Variants in CFAP61 observed in about 807,000 individuals in gnomAD.
The protein encoded by CFAP61 is cilia and flagella associated protein 61.
CFAP61 carries 107 observed loss-of-function variants against 135.6 expected under a neutral mutation model. That is an observed-to-expected ratio of 0.79 (90% CI 0.67 to 0.93). The LOEUF (loss-of-function observed/expected upper bound fraction) is 0.93. CFAP61 is among the 40% of genes least tolerant of loss of function. CFAP61 has a pLI of 0.00. For synonymous variants in CFAP61, 575 were observed against 578.5 expected (o/e 0.99, Z 0.09); for missense variants, 1,507 against 1,556.2 (o/e 0.97, Z 0.53).
At chr20:20,309,453 G>GT (rs2056685689) in intron 25 of CFAP61, among the ~76,000 whole-genome samples, 1 of 152,142 alleles carries the variant, frequency 6.6e-6, no homozygotes, top group Admixed American at 6.5e-5. Context: ...CTGGGTGCCA[G>GT]GCAGACCCTA....
intron 22 of CFAP61, among the ~76,000 whole-genome samples, chr20:20,280,289 G>T (rs2054102961): frequency 6.6e-6 from 1 of 152,162 alleles, no homozygotes; most frequent in Admixed American, 6.5e-5. Context: ...GGCAGGAATT[G>T]CTAGCAACCG....
At chr20:20,340,399 T>G (rs911873185) in intron 25 of CFAP61, among the ~76,000 whole-genome samples, 1 of 151,664 alleles carries the variant, frequency 6.6e-6, no homozygotes, top group African/African-American at 2.4e-5. Context: ...CAGAGGGCTT[T>G]TTAGGGCAGT....
Position 20,057,901 on chromosome 20 carries a change from G to A in CFAP61, c.143+1105G>A, listed in dbSNP as rs563499026. On this transcript the variant is annotated intron_variant, in intron 2 of 26. Transcript: ENST00000245957. The stretch of plus-strand genomic sequence containing the variant: ...CCTAGCTGTTTTTGTTTGTTTGTTT[G>A]TTTTTTAGTAGAGACTAGGTTTCAT... 1.1e-4 allele frequency among the ~76,000 whole-genome samples: 16 copies of A among 151,988 alleles called. 1 individual carries two copies. In the South Asian group the frequency reaches 3.3e-3, roughly 32 times the overall value.
intron 6 of CFAP61, among the ~76,000 whole-genome samples, chr20:20,086,141 C>T (rs1475138362): frequency 1.3e-5 from 2 of 149,596 alleles, no homozygotes; most frequent in Admixed American, 6.6e-5. Flanking sequence ...AGTGACTTTG[C>T]CAGTTTCTTT....
chr20:20,251,818 C>T, intron 20 of CFAP61, 55 bp downstream of exon 20: 1 of 1,561,728 alleles, frequency 6.4e-7, no homozygotes, highest in Non-Finnish European at 8.8e-7. Context: ...CCATGAAAGC[C>T]ATTCATATGT....
At chr20:20,066,370 A>G (rs1358717540) in intron 2 of CFAP61, among the ~76,000 whole-genome samples, 1 of 152,254 alleles carries the variant, frequency 6.6e-6, no homozygotes, top group African/African-American at 2.4e-5. Flanking sequence ...ATAAAGACAC[A>G]TGCACACGTA....
At chr20:20,247,701 C>G (rs1266530362) in intron 19 of CFAP61, among the ~76,000 whole-genome samples, 1 of 152,218 alleles carries the variant, frequency 6.6e-6, no homozygotes, top group Non-Finnish European at 1.5e-5. Flanking sequence ...TCTCCATCTA[C>G]TTAATTCTCC....
intron 7 of CFAP61, among the ~76,000 whole-genome samples, chr20:20,095,279 T>C (rs1355802940): frequency 6.6e-6 from 1 of 152,164 alleles, no homozygotes; most frequent in African/African-American, 2.4e-5. Flanking sequence ...AATCGGCAAA[T>C]GCTACAGATC....
intron 8 of CFAP61, among the ~76,000 whole-genome samples, chr20:20,125,313 T>C (rs1307936232): frequency 6.6e-6 from 1 of 151,792 alleles, no homozygotes. Flanking sequence ...GACCTTAGAA[T>C]GTCAGTTTGT....
chr20:20,078,606 A>G (rs897756852), intron 6 of CFAP61, among the ~76,000 whole-genome samples: 2 of 152,204 alleles, frequency 1.3e-5, no homozygotes, highest in African/African-American at 4.8e-5. Flanking sequence ...AGATCATGAA[A>G]TGAAGGAGAT....
intron 4 of CFAP61, 76 bp downstream of exon 4, chr20:20,074,454 A>C (rs1457344790): frequency 7.6e-7 from 1 of 1,308,610 alleles, no homozygotes; most frequent in East Asian, 2.3e-5. Flanking sequence ...TTTAAAAGAC[A>C]TGAAATTCTT....
intron 9 of CFAP61, among the ~76,000 whole-genome samples, chr20:20,144,668 A>G (rs1355382109): frequency 6.6e-6 from 1 of 152,132 alleles, no homozygotes; most frequent in Admixed American, 6.5e-5. Flanking sequence ...TGAAAACAAT[A>G]TACTCACAGA....
At chr20:20,337,089 G>A (rs2058222556) in intron 25 of CFAP61, among the ~76,000 whole-genome samples, 1 of 152,242 alleles carries the variant, frequency 6.6e-6, no homozygotes, top group Non-Finnish European at 1.5e-5. Flanking sequence ...GAGAAGAGAG[G>A]GAGAAAAGTT....
chr20:20,303,365 G>T (rs1470155689), intron 25 of CFAP61, among the ~76,000 whole-genome samples: 1 of 152,082 alleles, frequency 6.6e-6, no homozygotes, highest in East Asian at 1.9e-4. Flanking sequence ...TGAGTGTTTG[G>T]GATGGCAAGA....
intron 7 of CFAP61, among the ~76,000 whole-genome samples, chr20:20,091,670 AATT>A (rs532352119): frequency 1.3e-5 from 2 of 151,810 alleles, no homozygotes; most frequent in East Asian, 1.9e-4. Flanking sequence ...TGATTCCTGT[AATT>A]ATTATTATTA....
chr20:20,160,510 T>C (rs1231122823), intron 10 of CFAP61, among the ~76,000 whole-genome samples: 1 of 151,992 alleles, frequency 6.6e-6, no homozygotes, highest in African/African-American at 2.4e-5. Flanking sequence ...AGAACACAAA[T>C]GGGCTTCCCA....
At chr20:20,242,857 G>C (rs949665504) in intron 18 of CFAP61, among the ~76,000 whole-genome samples, 3 of 152,180 alleles carry the variant, frequency 2.0e-5, no homozygotes, top group African/African-American at 7.2e-5. Context: ...CAGCCAATGG[G>C]AATTAGATGA....
intron 18 of CFAP61, among the ~76,000 whole-genome samples, chr20:20,244,694 T>G (rs1009134650): frequency 1.3e-5 from 2 of 152,244 alleles, no homozygotes; most frequent in Non-Finnish European, 2.9e-5. Context: ...TTCGGCTCCT[T>G]GTTACTTATG....
chr20:20,101,246 C>A (rs1292177490), intron 8 of CFAP61, among the ~76,000 whole-genome samples: 1 of 152,222 alleles, frequency 6.6e-6, no homozygotes, highest in Admixed American at 6.5e-5. Context: ...AATATAATTT[C>A]TCTAAAATAT....
Sources: gnomAD v4.1 joint callset for allele counts (sites outside exome capture counted in the v4.1 genomes callset) on GRCh38, gnomAD v4.1.1 for gene constraint, MANE v1.5 for transcripts, NCBI Gene and HGNC (gene_info 2026-07-23, HGNC 2026-07-21) for gene names.